The following SLC4A4 variants were observed in gnomAD, a reference collection of about 807,000 sequenced individuals.
SLC4A4 encodes the protein solute carrier family 4 member 4.
SLC4A4 carries 27 observed loss-of-function variants against 111.5 expected under a neutral mutation model. The observed-to-expected ratio is 0.24, with a 90% CI of 0.18 to 0.33. The LOEUF (loss-of-function observed/expected upper bound fraction) is 0.33, where lower values mean the gene tolerates loss of function less well. SLC4A4 is among the 10% of genes least tolerant of loss of function. The pLI, the probability that SLC4A4 is intolerant of heterozygous loss-of-function variation, is 1.00. For synonymous variants in SLC4A4, 443 were observed against 463.4 expected, an observed-to-expected ratio of 0.96 and a Z score of 0.57; for missense variants, 909 against 1,315.5, an observed-to-expected ratio of 0.69 and a Z score of 4.78.
At chr4:71,254,249 T>C (rs768383768) in intron 2 of SLC4A4, among the ~76,000 whole-genome samples, 2 of 152,204 alleles carry the variant, frequency 1.3e-5, no homozygotes, top group Non-Finnish European at 2.9e-5. Flanking sequence ...ACAGAAGTTA[T>C]GCTGTATTTA....
chr4:71,397,887 T>C (rs1173360801), intron 7 of SLC4A4, among the ~76,000 whole-genome samples: 1 of 152,242 alleles, frequency 6.6e-6, no homozygotes, highest in Non-Finnish European at 1.5e-5. Context: ...AATTTAAATC[T>C]TAAAGCAATA....
chr4:71,410,118 T>C (rs1724084495), intron 7 of SLC4A4, among the ~76,000 whole-genome samples: 1 of 152,232 alleles, frequency 6.6e-6, no homozygotes, highest in Admixed American at 6.5e-5. Context: ...GGAGAACCTC[T>C]GTTAGGTCAG....
chr4:71,063,230 C>G (rs1741432603), intron 1 of SLC4A4, among the ~76,000 whole-genome samples: 1 of 152,198 alleles, frequency 6.6e-6, no homozygotes, highest in South Asian at 2.1e-4. Context: ...AACGAGCATA[C>G]ATGTGGGCAT....
intron 3 of SLC4A4, among the ~76,000 whole-genome samples, chr4:71,313,795 A>C (rs1012910288): frequency 6.6e-6 from 1 of 152,240 alleles, no homozygotes; most frequent in African/African-American, 2.4e-5. Context: ...CTTAAATGTA[A>C]AACCTAAAAC....
chr4:71,324,613 C>T (rs1407226708), intron 3 of SLC4A4, among the ~76,000 whole-genome samples: 1 of 151,962 alleles, frequency 6.6e-6, no homozygotes, highest in East Asian at 1.9e-4. Context: ...TTTTAACCCA[C>T]TGCTTTGGCA....
intron 2 of SLC4A4, among the ~76,000 whole-genome samples, chr4:71,139,276 T>C (rs1366075654): frequency 2.0e-5 from 3 of 151,718 alleles, no homozygotes; most frequent in Non-Finnish European, 4.4e-5. Flanking sequence ...TTGGTGTGAA[T>C]TGGCCGCCTC....
At chr4:71,380,026 A>G (rs1717957056) in intron 6 of SLC4A4, among the ~76,000 whole-genome samples, 1 of 152,060 alleles carries the variant, frequency 6.6e-6, no homozygotes, top group African/African-American at 2.4e-5. Context: ...GAGAGAAAAG[A>G]TGAGGTAACG....
chr4:71,478,956 C>T (rs1403115885), intron 14 of SLC4A4, among the ~76,000 whole-genome samples: 1 of 151,568 alleles, frequency 6.6e-6, no homozygotes, highest in African/African-American at 2.4e-5. Context: ...CTTGCAGTGA[C>T]TATATACTCA....
chr4:71,344,689 T>G (rs1578881347), intron 4 of SLC4A4, among the ~76,000 whole-genome samples: 1 of 152,184 alleles, frequency 6.6e-6, no homozygotes, highest in South Asian at 2.1e-4. Context: ...CTTCTTTCTC[T>G]TTTAAGACCT....
intron 16 of SLC4A4, among the ~76,000 whole-genome samples, chr4:71,525,415 CA>C (rs1348093029): frequency 2.0e-5 from 3 of 152,146 alleles, no homozygotes; most frequent in African/African-American, 7.2e-5. Context: ...TTAACTGAGA[CA>C]TGCTTCTCTT....
chr4:71,099,035 T>C (rs1415756817), intron 2 of SLC4A4, among the ~76,000 whole-genome samples: 7 of 152,090 alleles, frequency 4.6e-5, no homozygotes, highest in Non-Finnish European at 1.0e-4. Flanking sequence ...CTACTGACAG[T>C]ATTAGATAGA....
intron 4 of SLC4A4, among the ~76,000 whole-genome samples, chr4:71,348,571 T>C (rs1350457418): frequency 6.6e-6 from 1 of 152,164 alleles, no homozygotes; most frequent in African/African-American, 2.4e-5. Context: ...AGGTTACCAC[T>C]AACATGGGAG....
chr4:71,189,068 C>A (rs1006796490), intron 1 of SLC4A4, among the ~76,000 whole-genome samples: 1 of 152,054 alleles, frequency 6.6e-6, no homozygotes, highest in African/African-American at 2.4e-5. Flanking sequence ...ACATTATGAG[C>A]TGTTGAGGCA....
chr4:71,364,175 A>G (rs772030371), intron 6 of SLC4A4, among the ~76,000 whole-genome samples: 6 of 152,150 alleles, frequency 3.9e-5, no homozygotes, highest in Non-Finnish European at 7.4e-5. Context: ...CTACTTTGTA[A>G]TCTTCTTTTT....
intron 2 of SLC4A4, among the ~76,000 whole-genome samples, chr4:71,133,888 C>T (rs1337092140): frequency 6.6e-6 from 1 of 152,178 alleles, no homozygotes. Context: ...GCTTTGTCCT[C>T]TTGGTAGCTA....
chr4:71,226,947 A>C (rs536037866), intron 1 of SLC4A4, among the ~76,000 whole-genome samples: 6 of 152,188 alleles, frequency 3.9e-5, no homozygotes, highest in African/African-American at 1.4e-4. Context: ...AGGTAGAAAA[A>C]CTTCAGAAAG....
chr4:71,193,221 C>G (rs768275772), intron 1 of SLC4A4, among the ~76,000 whole-genome samples: 6 of 152,120 alleles, frequency 3.9e-5, no homozygotes, highest in Admixed American at 2.0e-4. Context: ...GTGCGGTGGC[C>G]GGATCTCGGC....
chr4:71,567,101 A>G lies in SLC4A4; in HGVS notation c.*36+18A>G. The stretch of plus-strand genomic sequence containing the variant: ...ATGCCAAGGTAAAGGAGAGCCCAGT[A>G]TTTTATGTTTTTCTGTGGGATAATT... On this transcript the variant is annotated intron_variant, in intron 25 of 25. Transcript: ENST00000264485. The G allele has an allele frequency of 6.3e-7, 1 of 1,591,304 alleles. No homozygotes were observed. The highest frequency in any genetic ancestry group is 8.6e-7 in the Non-Finnish European group (1 of 1,164,476).
At chr4:71,384,480 T>C (rs774750983) in intron 6 of SLC4A4, among the ~76,000 whole-genome samples, 28 of 152,084 alleles carry the variant, frequency 1.8e-4, no homozygotes, top group Non-Finnish European at 3.7e-4. Context: ...AGGAGTTTAC[T>C]GCATGAGGAA....
Sources: allele counts gnomAD v4.1 joint callset (sites outside exome capture counted in the v4.1 genomes callset), GRCh38; gene constraint gnomAD v4.1.1; transcripts MANE v1.5; gene names NCBI Gene and HGNC (gene_info 2026-07-23, HGNC 2026-07-21).